The following FBRSL1 variants were observed in gnomAD, a reference collection of about 807,000 sequenced individuals.
FBRSL1 encodes the protein fibrosin like 1, also known as fibrosin-1-like protein.
FBRSL1 carries 51 observed loss-of-function variants against 89.6 expected under a neutral mutation model. The observed-to-expected ratio is 0.57, with a 90% confidence interval of 0.45 to 0.72. The LOEUF (loss-of-function observed/expected upper bound fraction) is 0.72. Among genes scored for constraint, FBRSL1 ranks in the 30% least tolerant of loss-of-function variants. The probability of loss-of-function intolerance (pLI) is 0.00; values close to 1 mark genes in which losing one functional copy is unlikely to be tolerated. For missense variants in FBRSL1, 1,618 were observed against 1,451.8 expected, an observed-to-expected ratio of 1.11 and a Z score of -1.86; for synonymous variants, 779 against 681.1, an observed-to-expected ratio of 1.14 and a Z score of -2.24.
chr12:132,506,112 G>T (rs2033654898), intron 1 of FBRSL1, among the ~76,000 whole-genome samples: 1 of 152,142 alleles, frequency 6.6e-6, no homozygotes, highest in Non-Finnish European at 1.5e-5. Context: ...CCTGTCTGGG[G>T]CTGAGCAGGG....
chr12:132,547,950 G>T, intron 4 of FBRSL1, 53 bp from the exon 5 acceptor site: 2 of 1,546,378 alleles, frequency 1.3e-6, no homozygotes, highest in Non-Finnish European at 1.7e-6. Context: ...TGCCCCGGGG[G>T]GTGACACTGG....
At chr12:132,521,042 A>C (rs965622903) in intron 2 of FBRSL1, among the ~76,000 whole-genome samples, 1 of 152,156 alleles carries the variant, frequency 6.6e-6, no homozygotes, top group Non-Finnish European at 1.5e-5. Context: ...CTGGACACCC[A>C]CTGCAGTCCC....
At position 132,569,984 on chromosome 12, in the gene FBRSL1, G is replaced by T; in HGVS notation, c.750G>T (p.Leu250=). 1 of 1,488,410 alleles carries T rather than the reference G, an allele frequency of 6.7e-7. No individual in the cohort carries two copies. Among genetic ancestry groups the T allele is most frequent in the Non-Finnish European group, 8.9e-7 (1 of 1,126,732 alleles). The allele number at this position is 1,488,410 out of a possible 1,614,324, so 92.2% of individuals were successfully genotyped here. Residue 250 remains leucine (L), a synonymous_variant, in exon 7 of 19, where the codon CTG becomes CTT. Transcript: ENST00000680143. Reference sequence around the variant, plus strand: ...GGCCGGTGCCCAAGGTGTCAGGCCTGGAGCGCAGCCGCGAGCTCAGCGCCG... The same window carrying T: ...GGCCGGTGCCCAAGGTGTCAGGCCTTGAGCGCAGCCGCGAGCTCAGCGCCG... ...KAGPVPKVSG[L]ERSRELSAES... is the part of the protein sequence containing the mutation.
At chr12:132,559,679 G>A (rs964374795) in intron 5 of FBRSL1, among the ~76,000 whole-genome samples, 22 of 152,208 alleles carry the variant, frequency 1.4e-4, no homozygotes, top group African/African-American at 4.8e-4. Flanking sequence ...TGTTTCAGGC[G>A]CCGGCCACCG....
In FBRSL1 at chr12:132,525,384, G is replaced by A. The variant is rs145885389; in HGVS notation, c.490-350G>A. Among the ~76,000 whole-genome samples, 109 of 152,318 alleles carry A rather than the reference G, an allele frequency of 7.2e-4. 1 individual carries two copies. In the East Asian group the frequency reaches 0.019, roughly 27 times the overall value. On this transcript the variant is annotated intron_variant, in intron 2 of 18. Coordinates refer to ENST00000680143, the MANE Select transcript of FBRSL1 (RefSeq NM_001367871.1). Reference sequence around the variant, plus strand: ...CACCCCCAGGATGCCTTCAAAGTCAGCGGCTTGTGGAAGGGGCGGCTCCAA... The same window carrying A: ...CACCCCCAGGATGCCTTCAAAGTCAACGGCTTGTGGAAGGGGCGGCTCCAA...
At position 132,546,919 on chromosome 12, in the gene FBRSL1, G is replaced by A. The variant is rs1040990684; in HGVS notation, c.616-1084G>A. Among the ~76,000 whole-genome samples, 1 of 152,238 alleles carries A rather than the reference G, an allele frequency of 6.6e-6. No individual in the cohort carries two copies. The highest frequency in any genetic ancestry group is 2.1e-4 in the South Asian group (1 of 4,836). ...GGCTGCACATGGAGGGTGGCTGTGCGTTTGGTTCCCTGCATTAACCCAGTG... is the reference window on the plus strand; with the variant it reads ...GGCTGCACATGGAGGGTGGCTGTGCATTTGGTTCCCTGCATTAACCCAGTG... On this transcript the variant is annotated intron_variant, in intron 4 of 18. Transcript: ENST00000680143. The surrounding 1 kb of genome is among the most constrained non-coding windows in gnomAD (Gnocchi z 4.0).
intron 4 of FBRSL1, among the ~76,000 whole-genome samples, chr12:132,529,172 A>G (rs1310924135): frequency 6.6e-6 from 1 of 152,140 alleles, no homozygotes; most frequent in East Asian, 1.9e-4. Context: ...CGAAATTTCC[A>G]GGCCGTAGAG....
chr12:132,583,329 C>A lies in FBRSL1; in HGVS notation c.2560C>A (p.Pro854Thr). Residue 854 changes from proline (P) to threonine (T), a missense_variant, in exon 19 of 19, where the codon CCT (proline) becomes ACT (threonine). Pro to Thr is a conservative substitution (Grantham distance 38). Transcript: ENST00000680143. ...GGGCGCGCCGGGCTTCGCGTGGGAGCCTTTCCGCGGCCTGGAGCTGCCACG... is the reference window on the plus strand; with the variant it reads ...GGGCGCGCCGGGCTTCGCGTGGGAGACTTTCCGCGGCCTGGAGCTGCCACG... ...RLGAPGFAWEPFRGLELPRRA... is the reference protein window; with the variant it reads ...RLGAPGFAWETFRGLELPRRA... 8.4e-7 allele frequency: 1 copy of A among 1,186,070 alleles called. No homozygotes were observed. The highest frequency in any genetic ancestry group is 1.0e-6 in the Non-Finnish European group (1 of 955,770). 73.5% of individuals were successfully genotyped at this position (1,186,070 alleles called of 1,614,324 possible).
intron 4 of FBRSL1, among the ~76,000 whole-genome samples, chr12:132,540,367 G>A (rs1414835676): frequency 3.2e-4 from 11 of 34,582 alleles, no homozygotes; most frequent in East Asian, 1.4e-3. Context: ...GGTCCCTCCC[G>A]CCAGGTGCCA....
chr12:132,510,914 C>G (rs2136637174), intron 2 of FBRSL1: 1 of 1,000,584 alleles, frequency 1.0e-6, no homozygotes, highest in South Asian at 4.7e-5. Flanking sequence ...GGCGTGCCAC[C>G]TGTGCGGAGC....
Position 132,582,330 on chromosome 12 carries a change from G to A in FBRSL1, c.2201+64G>A, listed in dbSNP as rs1434923318. 6 of 1,250,178 alleles carry A rather than the reference G, an allele frequency of 4.8e-6. No homozygotes were observed. In the Admixed American group the frequency reaches 1.7e-4, roughly 35 times the overall value. 77.4% of individuals were successfully genotyped at this position (1,250,178 alleles called of 1,614,324 possible). On this transcript the variant is annotated intron_variant, in intron 18 of 18. Coordinates refer to ENST00000680143, the MANE Select transcript of FBRSL1 (RefSeq NM_001367871.1). Reference sequence around the variant, plus strand: ...CCTACCCCGTTCTTTCCCCCCTCCCGTCATCCCCGGTTCCCCCTCCCCCGT... The same window carrying A: ...CCTACCCCGTTCTTTCCCCCCTCCCATCATCCCCGGTTCCCCCTCCCCCGT...
intron 6 of FBRSL1, among the ~76,000 whole-genome samples, chr12:132,569,557 C>G (rs2039867031): frequency 6.6e-6 from 1 of 152,166 alleles, no homozygotes; most frequent in African/African-American, 2.4e-5. Flanking sequence ...CCCTCTTGGG[C>G]CAAGTCCTTG....
intron 11 of FBRSL1, among the ~76,000 whole-genome samples, chr12:132,572,975 T>C (rs1234780060): frequency 6.6e-6 from 1 of 152,120 alleles, no homozygotes. Context: ...AGGAGGTTCT[T>C]ACGGGGCCAT....
intron 5 of FBRSL1, 112 bp downstream of exon 5, chr12:132,548,144 G>T (rs1265540834): frequency 3.4e-5 from 45 of 1,332,418 alleles, no homozygotes; most frequent in Non-Finnish European, 3.9e-5. Flanking sequence ...GCCTTGGGGG[G>T]ATCCCCCCGC....
At chr12:132,501,185 C>T (rs1166643454) in intron 1 of FBRSL1, among the ~76,000 whole-genome samples, 1 of 152,196 alleles carries the variant, frequency 6.6e-6, no homozygotes, top group Admixed American at 6.5e-5. Flanking sequence ...GGGTCGGCCT[C>T]GTGGTCCTGT....
intron 15 of FBRSL1, among the ~76,000 whole-genome samples, chr12:132,577,765 G>A (rs2040471845): frequency 6.6e-6 from 1 of 152,270 alleles, no homozygotes; most frequent in Non-Finnish European, 1.5e-5. Context: ...GCCCCCAGGA[G>A]GAAAGTGGGC....
intron 1 of FBRSL1, among the ~76,000 whole-genome samples, chr12:132,498,046 C>T (rs914938434): frequency 2.0e-5 from 3 of 152,154 alleles, no homozygotes; most frequent in South Asian, 2.1e-4. Flanking sequence ...CTGGGGGGCC[C>T]GTCACAGCCT....
chr12:132,521,364 C>T (rs565962492), intron 2 of FBRSL1, among the ~76,000 whole-genome samples: 9 of 152,342 alleles, frequency 5.9e-5, no homozygotes, highest in African/African-American at 1.2e-4. Context: ...GTCGCGTTCC[C>T]GTCTCCTGCT....
At chr12:132,503,474 T>G (rs1331479777) in intron 1 of FBRSL1, among the ~76,000 whole-genome samples, 1 of 152,094 alleles carries the variant, frequency 6.6e-6, no homozygotes, top group African/African-American at 2.4e-5. Context: ...CGGGGGGAGA[T>G]GTGGGGGCTG....
Sources: allele counts gnomAD v4.1 joint callset (sites outside exome capture counted in the v4.1 genomes callset), GRCh38; gene constraint gnomAD v4.1.1; non-coding constraint Gnocchi (gnomAD v3.1); transcripts MANE v1.5; gene names NCBI Gene and HGNC (gene_info 2026-07-23, HGNC 2026-07-21).